The following RERG variants were observed in gnomAD, a reference collection of about 807,000 sequenced individuals.
RERG encodes ras-related and estrogen-regulated growth inhibitor.
Under a neutral mutation model 23.2 loss-of-function variants are expected in RERG, and 25 were observed. That is an observed-to-expected ratio of 1.08 (90% CI 0.79 to 1.50). The LOEUF (loss-of-function observed/expected upper bound fraction) is 1.50, where lower values mean the gene tolerates loss of function less well. Ranked by LOEUF, RERG falls within the 40% of genes most tolerant of loss-of-function variation. RERG has a pLI of 0.00. For synonymous variants in RERG, 81 were observed against 89.1 expected, an observed-to-expected ratio of 0.91 and a Z score of 0.51; for missense variants, 253 against 250.1, an observed-to-expected ratio of 1.01 and a Z score of -0.08.
chr12:15,205,659 A>AAT (rs3217154), intron 2 of RERG, among the ~76,000 whole-genome samples: 43,418 of 151,780 alleles, frequency 0.29, 6,494 homozygotes, highest in Non-Finnish European at 0.34. Context: ...TTTTCAGACA[A>AAT]AGTCACAATT....
intron 2 of RERG, among the ~76,000 whole-genome samples, chr12:15,216,380 G>A (rs1369584317): frequency 3.9e-5 from 6 of 152,186 alleles, no homozygotes; most frequent in African/African-American, 1.4e-4. Flanking sequence ...AAAGAAAAAC[G>A]AGAGACAAAG....
At position 15,115,229 on chromosome 12, in the gene RERG, T is replaced by C. The variant is rs564211438; in HGVS notation, c.119-3812A>G. On this transcript the variant is annotated intron_variant, in intron 3 of 4. Coordinates refer to ENST00000256953, the MANE Select transcript of RERG (RefSeq NM_032918.3). ...TTTGAACAACTGTTCTAAACACTTA[T>C]GTTAACTCATTAATCCTCACAAATA... Among the ~76,000 whole-genome samples, 11 of 152,296 alleles carry C rather than the reference T, an allele frequency of 7.2e-5. No homozygotes were observed. The South Asian group carries it at 1.7e-3, about 23-fold the overall frequency.
intron 2 of RERG, among the ~76,000 whole-genome samples, chr12:15,198,200 T>C (rs1380620596): frequency 6.6e-6 from 1 of 152,146 alleles, no homozygotes; most frequent in Non-Finnish European, 1.5e-5. Context: ...TTCAACTTAC[T>C]GTTATGAGCT....
At chr12:15,152,634 T>C (rs980847750) in intron 2 of RERG, among the ~76,000 whole-genome samples, 5 of 152,120 alleles carry the variant, frequency 3.3e-5, no homozygotes, top group African/African-American at 9.7e-5. Context: ...ATAACTTGAA[T>C]TGAGGAAACC....
intron 2 of RERG, among the ~76,000 whole-genome samples, chr12:15,122,331 G>A (rs1340045369): frequency 6.6e-6 from 1 of 152,138 alleles, no homozygotes; most frequent in Non-Finnish European, 1.5e-5. Flanking sequence ...TTAGTGGAAG[G>A]TCACTGTCAG....
chr12:15,129,074 G>T (rs914955255), intron 2 of RERG, among the ~76,000 whole-genome samples: 4 of 152,182 alleles, frequency 2.6e-5, no homozygotes, highest in African/African-American at 4.8e-5. Context: ...TCCCAGGACC[G>T]AGTGAGTCCC....
rs1464912642 is a variant in RERG at position 15,221,374 on chromosome 12, G to T, written c.-294C>A. On this transcript the variant is annotated 5_prime_UTR_variant, in exon 1 of 5. Transcript: ENST00000256953. Reference sequence around the variant, plus strand: ...AGCAAGTGCCAGTGGCCCGGCGGGGGTCTCCTCACTCGCGCTCGCTCCGAC... The same window carrying T: ...AGCAAGTGCCAGTGGCCCGGCGGGGTTCTCCTCACTCGCGCTCGCTCCGAC... 1.3e-5 allele frequency: 2 copies of T among 152,322 alleles called. No individual in the cohort carries two copies. Among genetic ancestry groups the T allele is most frequent in the African/African-American group, 4.8e-5 (2 of 41,476 alleles). 9.4% of individuals were successfully genotyped at this position (152,322 alleles called of 1,614,324 possible). A position where few individuals can be genotyped will look rare whatever the true frequency, so the allele number is the denominator to read the frequency against.
rs549126936 is a variant in RERG, at chr12:15,196,055, A to G, written c.61+21374T>C. 6.6e-5 allele frequency among the ~76,000 whole-genome samples: 10 copies of G among 152,268 alleles called. No homozygotes were observed. In the South Asian group the frequency reaches 1.9e-3, roughly 28 times the overall value. On this transcript the variant is annotated intron_variant, in intron 2 of 4. Coordinates refer to ENST00000256953, the MANE Select transcript of RERG (RefSeq NM_032918.3). ...CTAGGTGTGGGAACTTTGACTGCCT[A>G]AAGAGTATGATTCAATGACTTCTCT...
intron 2 of RERG, among the ~76,000 whole-genome samples, chr12:15,131,759 T>A (rs1395787751): frequency 1.3e-5 from 2 of 152,178 alleles, no homozygotes; most frequent in African/African-American, 4.8e-5. Flanking sequence ...ACTGATCTGG[T>A]TTCCTGTCCA....
rs759070325 is a variant in RERG, at chr12:15,111,362, T to C, written c.174A>G (p.Ile58Met). 1.6e-5 allele frequency: 26 copies of C among 1,612,562 alleles called. No homozygotes were observed. The Admixed American group carries it at 3.0e-4, about 19-fold the overall frequency. The change falls in exon 4 of 5, where the codon ATA becomes ATG. Residue 58 changes from isoleucine (I) to methionine (M), a missense_variant. Coordinates refer to ENST00000256953, the MANE Select transcript of RERG (RefSeq NM_032918.3). ...TATTCACCTGACCAGCAGTGTCTAG[T>C]ATCTCCATGGAAACAACTTCATCAT... ...TIDDEVVSME[I>M]LDTAGQEDTI... is the part of the protein sequence containing the mutation.
intron 2 of RERG, among the ~76,000 whole-genome samples, chr12:15,186,378 A>C (rs1219166085): frequency 1.3e-5 from 2 of 152,126 alleles, no homozygotes; most frequent in Admixed American, 1.3e-4. Flanking sequence ...TAACCTTTGC[A>C]GGAAAAATTT....
chr12:15,114,672 G>A (rs1439408767), intron 3 of RERG: 2 of 152,140 alleles, frequency 1.3e-5, no homozygotes, highest in East Asian at 1.9e-4. Flanking sequence ...ACTAGTGTTC[G>A]GTGTGGGCGT....
chr12:15,205,808 A>G (rs1478560066), intron 2 of RERG, among the ~76,000 whole-genome samples: 1 of 152,134 alleles, frequency 6.6e-6, no homozygotes, highest in African/African-American at 2.4e-5. Context: ...TACCTAAAAC[A>G]GTGGAAACTT....
intron 2 of RERG, among the ~76,000 whole-genome samples, chr12:15,122,852 G>A (rs1341723711): frequency 1.3e-5 from 2 of 149,810 alleles, no homozygotes; most frequent in African/African-American, 4.9e-5. Flanking sequence ...AGGCTGGAGT[G>A]CAGTGGTATG....
At chr12:15,218,349 T>G (rs1217219033) in intron 1 of RERG, among the ~76,000 whole-genome samples, 1 of 152,128 alleles carries the variant, frequency 6.6e-6, no homozygotes, top group East Asian at 1.9e-4. Context: ...TTTGGTGCTT[T>G]AGGAGTGACA....
At chr12:15,218,463 G>A (rs894578698) in intron 1 of RERG, among the ~76,000 whole-genome samples, 17 of 152,214 alleles carry the variant, frequency 1.1e-4, no homozygotes, top group Non-Finnish European at 2.4e-4. Context: ...CATTCTTCTA[G>A]CAAGAATCTT....
At chr12:15,161,150 GAAA>G (rs1864601199) in intron 2 of RERG, among the ~76,000 whole-genome samples, 1 of 77,832 alleles carries the variant, frequency 1.3e-5, no homozygotes, top group Non-Finnish European at 2.6e-5. Context: ...AAGAAAGAAA[GAAA>G]GAAAGAAAGA....
chr12:15,144,075 G>A (rs1022152418), intron 2 of RERG, among the ~76,000 whole-genome samples: 2 of 152,054 alleles, frequency 1.3e-5, no homozygotes, highest in Non-Finnish European at 2.9e-5. Context: ...GGTGAAGAAG[G>A]GTGTGGAGTA....
chr12:15,168,363 A>T (rs2136119856), intron 2 of RERG, among the ~76,000 whole-genome samples: 1 of 152,194 alleles, frequency 6.6e-6, no homozygotes, highest in East Asian at 1.9e-4. Context: ...TTCCAGCTCA[A>T]ACGTTTACTG....
Sources: gnomAD v4.1 joint callset for allele counts (sites outside exome capture counted in the v4.1 genomes callset) on GRCh38, gnomAD v4.1.1 for gene constraint, MANE v1.5 for transcripts, NCBI Gene and HGNC (gene_info 2026-07-23, HGNC 2026-07-21) for gene names.